SGSM1: variants seen among roughly 807,000 people sequenced by gnomAD.
The protein encoded by SGSM1 is RUN and TBC1 domain containing 2.
In SGSM1, 73 loss-of-function variants were observed where a neutral mutation model predicts 133.8. The observed-to-expected ratio is 0.55, with a 90% CI of 0.45 to 0.66. The LOEUF is 0.66. Ranked by LOEUF, SGSM1 falls within the 30% of genes least tolerant of loss-of-function variation. The pLI, the probability that SGSM1 is intolerant of heterozygous loss-of-function variation, is 0.00. For synonymous variants in SGSM1, 563 were observed against 573.0 expected, an observed-to-expected ratio of 0.98 and a Z score of 0.25; for missense variants, 1,213 against 1,448.1, an observed-to-expected ratio of 0.84 and a Z score of 2.64.
Position 24,868,414 on chromosome 22 carries a change from G to A in SGSM1, c.1033G>A (p.Gly345Arg), listed in dbSNP as rs771571853. ...GGTVVLVSQD[G>R]IQRPPFRFPK... is the part of the protein sequence containing the mutation. ...GACAGTGGTATTGGTCAGCCAGGAC[G>A]GGATCCAGAGGCCGCCCTTCCGCTT... Residue 345 changes from glycine (G) to arginine (R), a missense_variant, in exon 11 of 25, where the codon GGG (glycine) becomes AGG (arginine). Coordinates refer to ENST00000400358, the MANE Select transcript of SGSM1 (RefSeq NM_001098497.3). 7 of 1,613,666 alleles carry A rather than the reference G, an allele frequency of 4.3e-6. No homozygotes were observed. The highest frequency in any genetic ancestry group is 5.1e-6 in the Non-Finnish European group (6 of 1,179,818).
intron 8 of SGSM1, chr22:24,856,079 T>A (rs1930770710): frequency 2.6e-6 from 1 of 377,506 alleles, no homozygotes; most frequent in Non-Finnish European, 5.3e-6. Context: ...CCATTTATTT[T>A]CCTGTCCATC....
At chr22:24,924,090 T>TG in intron 24 of SGSM1, 96 bp from the exon 25 acceptor site, 1 of 1,061,344 alleles carries the variant, frequency 9.4e-7, no homozygotes, top group East Asian at 2.5e-5. Flanking sequence ...CAATCTGTGA[T>TG]GGAGATGCCC....
intron 9 of SGSM1, 135 bp from the exon 10 acceptor site, chr22:24,866,958 A>C: frequency 1.3e-6 from 1 of 774,412 alleles, no homozygotes; most frequent in Non-Finnish European, 2.2e-6. Context: ...GAGTCTGGGC[A>C]GGCTGGGACA....
At chr22:24,919,505 C>A (rs1046680017) in intron 23 of SGSM1, among the ~76,000 whole-genome samples, 3 of 152,130 alleles carry the variant, frequency 2.0e-5, no homozygotes, top group Admixed American at 2.0e-4. Flanking sequence ...TGTCAAAGGG[C>A]AGGGCAAGGA....
At chr22:24,874,578 C>G in intron 12 of SGSM1, 3 of 1,594,634 alleles carry the variant, frequency 1.9e-6, no homozygotes, top group African/African-American at 2.7e-5. Flanking sequence ...AGCAGCCCCC[C>G]AGTAATGTCT....
At chr22:24,918,479 G>C (rs1353054791) in intron 23 of SGSM1, among the ~76,000 whole-genome samples, 2 of 138,402 alleles carry the variant, frequency 1.4e-5, no homozygotes, top group Non-Finnish European at 3.1e-5. Context: ...CTGGGTGACA[G>C]AGCAAGACTC....
At position 24,868,521 on chromosome 22, in the gene SGSM1, G is replaced by C. The variant is rs772222424; in HGVS notation, c.1140G>C (p.Leu380=). 2 of 1,613,960 alleles carry C rather than the reference G, an allele frequency of 1.2e-6. No homozygotes were observed. Among genetic ancestry groups the C allele is most frequent in the South Asian group, 2.2e-5 (2 of 91,082 alleles). Residue 380 remains leucine, a synonymous_variant, in exon 11 of 25, where the codon CTG becomes CTC. Coordinates refer to ENST00000400358, the MANE Select transcript of SGSM1 (RefSeq NM_001098497.3). ...CACATGGGCAGTTGGACCCGCCACT[G>C]TGGTCCCAGAGGGGTAAGGTGAGTG... ...LLPHGQLDPP[L]WSQRGKGKVF...
chr22:24,904,639 T>C (rs1933307243), intron 20 of SGSM1, among the ~76,000 whole-genome samples: 1 of 151,334 alleles, frequency 6.6e-6, no homozygotes, highest in South Asian at 2.1e-4. Flanking sequence ...TCGATAAATA[T>C]AAGCTGTTAT....
At chr22:24,908,584 C>G (rs1420856066) in intron 21 of SGSM1, among the ~76,000 whole-genome samples, 1 of 152,066 alleles carries the variant, frequency 6.6e-6, no homozygotes, top group Admixed American at 6.6e-5. Context: ...GGGCAGATCA[C>G]GAGGTCAGAA....
rs560525956 is a variant in SGSM1, at chr22:24,832,650, TGAA to T, written c.64-12244_64-12242del. ...AGGGCTTGGTCAGAGGGAGAGATGA[TGAA>T]GATGATGAGGATGATGAATATGATG... On this transcript the variant is annotated intron_variant, in intron 2 of 24. Coordinates refer to ENST00000400358, the MANE Select transcript of SGSM1 (RefSeq NM_001098497.3). Among the ~76,000 whole-genome samples the T allele has an allele frequency of 2.2e-3, 341 of 152,210 alleles. 2 individuals are homozygous for T. Among genetic ancestry groups the T allele is most frequent in the African/African-American group, 7.7e-3 (321 of 41,528 alleles).
At chr22:24,846,202 C>A (rs184718565) in intron 3 of SGSM1, among the ~76,000 whole-genome samples, 1 of 151,578 alleles carries the variant, frequency 6.6e-6, no homozygotes, top group Admixed American at 6.6e-5. Context: ...CCATACCTGG[C>A]TAATTTTAAA....
intron 2 of SGSM1, among the ~76,000 whole-genome samples, chr22:24,820,924 A>T (rs554535692): frequency 6.6e-6 from 1 of 152,326 alleles, no homozygotes; most frequent in South Asian, 2.1e-4. Flanking sequence ...TGCAGTGGGG[A>T]GAGAGAGGTT....
intron 2 of SGSM1, among the ~76,000 whole-genome samples, chr22:24,817,918 T>A (rs530652227): frequency 2.4e-4 from 36 of 152,282 alleles, no homozygotes; most frequent in African/African-American, 8.4e-4. Context: ...GTGAGAGGTC[T>A]TTGGGGTCTC....
intron 14 of SGSM1, 48 bp from the exon 15 acceptor site, chr22:24,884,005 G>A (rs1380590453): frequency 6.5e-7 from 1 of 1,527,310 alleles, no homozygotes; most frequent in Non-Finnish European, 8.8e-7. Context: ...GACAAGGTGA[G>A]GGGCTTCAGG....
chr22:24,910,018 A>G (rs190029470), intron 21 of SGSM1, among the ~76,000 whole-genome samples: 35 of 152,358 alleles, frequency 2.3e-4, no homozygotes, highest in Admixed American at 2.3e-3. Context: ...TGGCAAAAAA[A>G]GGATGATGTT....
At chr22:24,882,921 A>G (rs1389958471) in intron 14 of SGSM1, among the ~76,000 whole-genome samples, 2 of 149,316 alleles carry the variant, frequency 1.3e-5, no homozygotes, top group Admixed American at 6.7e-5. Flanking sequence ...TTTTTGAGAC[A>G]GAGTCTCGCT....
chr22:24,886,150 G>A (rs1932584053), intron 15 of SGSM1, among the ~76,000 whole-genome samples: 1 of 151,896 alleles, frequency 6.6e-6, no homozygotes, highest in Non-Finnish European at 1.5e-5. Context: ...GCCAAGGAGG[G>A]CGAATCACCT....
intron 19 of SGSM1, 89 bp downstream of exon 19, chr22:24,898,648 C>T (rs374742183): frequency 1.1e-4 from 136 of 1,286,066 alleles, no homozygotes; most frequent in African/African-American, 3.1e-4. Flanking sequence ...AGAATGACCC[C>T]GGAGTCAGAC....
rs139655 is a variant in SGSM1 at position 24,838,929 on chromosome 22, CA to C, written c.64-5958del. Among the ~76,000 whole-genome samples, 23 of 147,074 alleles carry C rather than the reference CA, an allele frequency of 1.6e-4. No individual in the cohort carries two copies. In the South Asian group the frequency reaches 1.7e-3, roughly 11 times the overall value. ...TTTAGGATAGATATTTATGTTTCTG[CA>C]AAAAAAAAAGCACCATTGGGATTTT... is the stretch of plus-strand genomic sequence containing the variant. On this transcript the variant is annotated intron_variant, in intron 2 of 24. Transcript: ENST00000400358.
Sources: gnomAD v4.1 joint callset for allele counts (sites outside exome capture counted in the v4.1 genomes callset) on GRCh38, gnomAD v4.1.1 for gene constraint, MANE v1.5 for transcripts, NCBI Gene and HGNC (gene_info 2026-07-23, HGNC 2026-07-21) for gene names.